ADAM32: variants seen among roughly 807,000 people sequenced by gnomAD.
ADAM32 encodes the protein disintegrin and metalloproteinase domain-containing protein 32.
In ADAM32, 89 loss-of-function variants were observed where a neutral mutation model predicts 114.9. The ratio of observed to expected loss-of-function variants is 0.77; its 90% confidence interval spans 0.65 to 0.92. ADAM32 has a LOEUF of 0.92. ADAM32 is among the 40% of genes least tolerant of loss of function. The pLI is 0.00. For synonymous variants in ADAM32, 285 were observed against 307.5 expected, an observed-to-expected ratio of 0.93 and a Z score of 0.77; for missense variants, 870 against 932.8, an observed-to-expected ratio of 0.93 and a Z score of 0.88.
chr8:39,121,942 TTTTGGAC>T (rs1033599880), intron 2 of ADAM32, among the ~76,000 whole-genome samples: 9 of 152,102 alleles, frequency 5.9e-5, no homozygotes, highest in African/African-American at 2.2e-4. Context: ...TCTTGCTAGG[TTTTGGAC>T]TTTGTTGGGA....
chr8:39,240,139 C>T (rs909078968), intron 16 of ADAM32, among the ~76,000 whole-genome samples: 6 of 152,154 alleles, frequency 3.9e-5, no homozygotes, highest in African/African-American at 1.4e-4. Context: ...TATTCATCAG[C>T]ACATGGAACA....
rs567126649 is a variant in ADAM32, at chr8:39,149,853, G to A, written c.339G>A (p.Thr113=). The A allele has an allele frequency of 1.7e-5, 27 of 1,610,870 alleles. No homozygotes were observed. The highest frequency in any genetic ancestry group is 4.0e-5 in the African/African-American group (3 of 74,952). ...GYPDSMVTLS[T]CSGLRGILQF... is the part of the protein sequence containing the mutation. ...CAGATTCCATGGTCACACTCAGCAC[G>A]TGCTCTGGACTAAGGTTGTTTTCTG... Residue 113 remains threonine, a synonymous_variant, in exon 5 of 25, where the codon ACG becomes ACA. Coordinates refer to ENST00000379907, the MANE Select transcript of ADAM32 (RefSeq NM_145004.7).
chr8:39,170,550 T>A (rs913702575), intron 10 of ADAM32, among the ~76,000 whole-genome samples: 19 of 151,974 alleles, frequency 1.3e-4, no homozygotes, highest in African/African-American at 4.6e-4. Context: ...TACTCATTTT[T>A]AAAAAAACAA....
intron 6 of ADAM32, among the ~76,000 whole-genome samples, chr8:39,159,885 A>C (rs1056019313): frequency 1.3e-5 from 2 of 152,210 alleles, no homozygotes; most frequent in Non-Finnish European, 2.9e-5. Context: ...AATGAGCTGG[A>C]TGTGTGAGAT....
chr8:39,283,757 A>C, intron 24 of ADAM32, 133 bp downstream of exon 24: 1 of 514,362 alleles, frequency 1.9e-6, no homozygotes, highest in Non-Finnish European at 3.2e-6. Context: ...TAAATAACCT[A>C]TCTTTCTTTT....
At chr8:39,254,647 C>A (rs1309724897) in intron 18 of ADAM32, 131 bp downstream of exon 18, 1 of 622,160 alleles carries the variant, frequency 1.6e-6, no homozygotes, top group South Asian at 2.9e-5. Context: ...AGAATTCTCT[C>A]AAGGAATGGA....
At chr8:39,140,700 A>G (rs147744333) in intron 3 of ADAM32, among the ~76,000 whole-genome samples, 5,039 of 152,160 alleles carry the variant, frequency 0.033, 290 homozygotes, top group African/African-American at 0.12. Context: ...CTCTTTTTCT[A>G]TTGATTGAAA....
At chr8:39,164,856 A>G in intron 8 of ADAM32, 21 bp downstream of exon 8, 1 of 1,582,742 alleles carries the variant, frequency 6.3e-7, no homozygotes, top group Non-Finnish European at 8.6e-7. Context: ...TCCTTTTCAT[A>G]TTAAAATAAT....
At chr8:39,213,580 TG>T (rs1316338389) in intron 12 of ADAM32, among the ~76,000 whole-genome samples, 1 of 152,184 alleles carries the variant, frequency 6.6e-6, no homozygotes, top group Non-Finnish European at 1.5e-5. Flanking sequence ...ATGGGTTACA[TG>T]AGATATTTTG....
intron 6 of ADAM32, among the ~76,000 whole-genome samples, chr8:39,152,147 A>C (rs1484641718): frequency 5.3e-5 from 8 of 152,136 alleles, no homozygotes; most frequent in African/African-American, 1.7e-4. Context: ...TTACTCAATA[A>C]AGTCAATAAT....
intron 2 of ADAM32, among the ~76,000 whole-genome samples, chr8:39,123,157 A>G (rs973700118): frequency 1.3e-5 from 2 of 152,184 alleles, no homozygotes; most frequent in African/African-American, 4.8e-5. Flanking sequence ...TCAAGTAAAT[A>G]AAAATGTAAA....
At position 39,161,469 on chromosome 8, in the gene ADAM32, G is replaced by A. The variant is rs550900479; in HGVS notation, c.594+504G>A. On this transcript the variant is annotated intron_variant, in intron 7 of 24. Transcript: ENST00000379907. ...GTTTACCTGTTGAAAAGAGTACCTCGAGATTCCTAATTTCCATAAACAGTC... is the reference window on the plus strand; with the variant it reads ...GTTTACCTGTTGAAAAGAGTACCTCAAGATTCCTAATTTCCATAAACAGTC... Among the ~76,000 whole-genome samples the A allele has an allele frequency of 4.6e-5, 7 of 152,272 alleles. No homozygotes were observed. In the East Asian group the frequency reaches 5.8e-4, roughly 13 times the overall value.
rs534680037 is a variant in ADAM32, at chr8:39,175,887, A to G, written c.915+5890A>G. Among the ~76,000 whole-genome samples, 3 of 152,154 alleles carry G rather than the reference A, an allele frequency of 2.0e-5. No homozygotes were observed. In the East Asian group the frequency reaches 5.8e-4, roughly 29 times the overall value. The stretch of plus-strand genomic sequence containing the variant: ...CATTTATTTGTTTATTCAGGGATTC[A>G]ATTTCTTCCTGGTTCAGTCTTGGAA... On this transcript the variant is annotated intron_variant, in intron 10 of 24. Coordinates refer to ENST00000379907, the MANE Select transcript of ADAM32 (RefSeq NM_145004.7).
intron 2 of ADAM32, among the ~76,000 whole-genome samples, chr8:39,131,246 G>A (rs189015280): frequency 5.5e-4 from 84 of 152,200 alleles, no homozygotes; most frequent in African/African-American, 1.9e-3. Flanking sequence ...GTGAGCCACC[G>A]TGCCTGGCCA....
chr8:39,257,206 A>G lies in ADAM32; in HGVS notation c.2025A>G (p.Ala675=). 1 of 1,602,610 alleles carries G rather than the reference A, an allele frequency of 6.2e-7. No homozygotes were observed. The highest frequency in any genetic ancestry group is 8.5e-7 in the Non-Finnish European group (1 of 1,173,992). The part of the protein sequence containing the change: ...EEDMGSIMER[A]SGKTENTWLL... Reference sequence around the variant, plus strand: ...TTTTAGGTTCAATCATGGAAAGAGCATCTGGGAAGACTGAAAACACCTGGC... The same window carrying G: ...TTTTAGGTTCAATCATGGAAAGAGCGTCTGGGAAGACTGAAAACACCTGGC... The change falls in exon 19 of 25, where the codon GCA becomes GCG. Residue 675 remains alanine (A), a synonymous_variant. Transcript: ENST00000379907.
At chr8:39,266,188 C>A (rs911314000) in intron 19 of ADAM32, among the ~76,000 whole-genome samples, 4 of 152,048 alleles carry the variant, frequency 2.6e-5, no homozygotes, top group Admixed American at 6.5e-5. Context: ...CCCTGAATAT[C>A]CTGAATTTGC....
At chr8:39,198,742 T>G (rs964913425) in intron 11 of ADAM32, among the ~76,000 whole-genome samples, 1 of 152,126 alleles carries the variant, frequency 6.6e-6, no homozygotes, top group Admixed American at 6.6e-5. Context: ...GTTTAACATT[T>G]TTTTTTTCTC....
intron 2 of ADAM32, chr8:39,130,785 AC>A (rs1056489044): frequency 4.8e-6 from 2 of 415,600 alleles, no homozygotes; most frequent in Admixed American, 5.8e-5. Context: ...ATTTTCTGAG[AC>A]TTTTTGTGGC....
chr8:39,144,249 G>C (rs1395074765), intron 3 of ADAM32, among the ~76,000 whole-genome samples: 3 of 152,202 alleles, frequency 2.0e-5, no homozygotes, highest in African/African-American at 7.2e-5. Flanking sequence ...TCCAGTCCCA[G>C]TGAGATGAAC....
Sources: gnomAD v4.1 joint callset for allele counts (sites outside exome capture counted in the v4.1 genomes callset) on GRCh38, gnomAD v4.1.1 for gene constraint, MANE v1.5 for transcripts, NCBI Gene and HGNC (gene_info 2026-07-23, HGNC 2026-07-21) for gene names.